Variants in TAOK3 observed in about 807,000 individuals in gnomAD.
The protein encoded by TAOK3 is TAO kinase 3.
Under a neutral mutation model 120.4 loss-of-function variants are expected in TAOK3, and 40 were observed. That is an observed-to-expected ratio of 0.33 (90% CI 0.26 to 0.43). The LOEUF (loss-of-function observed/expected upper bound fraction) is 0.43, where lower values mean the gene tolerates loss of function less well. TAOK3 is among the 20% of genes least tolerant of loss of function. TAOK3 has a pLI of 1.00. For missense variants in TAOK3, 821 were observed against 1,112.1 expected, an observed-to-expected ratio of 0.74 and a Z score of 3.72; for synonymous variants, 355 against 387.5, an observed-to-expected ratio of 0.92 and a Z score of 0.99.
At chr12:118,362,317 T>A (rs1470623860) in intron 1 of TAOK3, among the ~76,000 whole-genome samples, 50 of 105,498 alleles carry the variant, frequency 4.7e-4, no homozygotes, top group Non-Finnish European at 6.9e-4. Flanking sequence ...GCTGATGGGC[T>A]AAAAAAAAAA....
chr12:118,311,409 C>T (rs2043256542), intron 1 of TAOK3, among the ~76,000 whole-genome samples: 1 of 151,964 alleles, frequency 6.6e-6, no homozygotes, highest in African/African-American at 2.4e-5. Flanking sequence ...TGCAGTAAGC[C>T]AAGGTTGTGC....
intron 5 of TAOK3, among the ~76,000 whole-genome samples, chr12:118,242,710 A>G (rs1320790336): frequency 1.3e-5 from 2 of 152,066 alleles, no homozygotes; most frequent in Non-Finnish European, 2.9e-5. Context: ...AATACAAAAA[A>G]TTAGCTGGGT....
chr12:118,281,009 C>A (rs2042080676), intron 1 of TAOK3, among the ~76,000 whole-genome samples: 2 of 152,050 alleles, frequency 1.3e-5, no homozygotes. Context: ...GGACGCTCTT[C>A]ATATATAGGA....
chr12:118,253,212 G>A lies in TAOK3; in HGVS notation c.120+2236C>T, dbSNP rs1423924854. Reference sequence around the variant, plus strand: ...CTGAAGATTTGGCTAGAAGCAAAAGGACAAAGTAAAGATGCAATTCATAAA... The same window carrying A: ...CTGAAGATTTGGCTAGAAGCAAAAGAACAAAGTAAAGATGCAATTCATAAA... On this transcript the variant is annotated intron_variant, in intron 3 of 20. Transcript: ENST00000392533. 3.9e-5 allele frequency among the ~76,000 whole-genome samples: 6 copies of A among 152,164 alleles called. No homozygotes were observed. In the South Asian group the frequency reaches 1.2e-3, roughly 32 times the overall value.
rs552369257 is a variant in TAOK3, at chr12:118,160,651, T to C, written c.2140-293A>G. ...ACTCTAAGCAGATTGAGCGATACTATGAAGCTTAGCTTGTTGAAAGAGTGG... is the reference window on the plus strand; with the variant it reads ...ACTCTAAGCAGATTGAGCGATACTACGAAGCTTAGCTTGTTGAAAGAGTGG... On this transcript the variant is annotated intron_variant, in intron 18 of 20. Coordinates refer to ENST00000392533, the MANE Select transcript of TAOK3 (RefSeq NM_016281.4). The surrounding 1 kb of genome is among the most constrained non-coding windows in gnomAD (Gnocchi z 4.2). Among the ~76,000 whole-genome samples, 1 of 152,342 alleles carries C rather than the reference T, an allele frequency of 6.6e-6. No homozygotes were observed. The highest frequency in any genetic ancestry group is 2.1e-4 in the South Asian group (1 of 4,830).
At chr12:118,333,713 CAAT>C (rs1593585148) in intron 1 of TAOK3, among the ~76,000 whole-genome samples, 1 of 150,772 alleles carries the variant, frequency 6.6e-6, no homozygotes, top group Non-Finnish European at 1.5e-5. Context: ...AAAAAAAAAT[CAAT>C]AAAATTTGTA....
At chr12:118,307,206 C>T (rs968964536) in intron 1 of TAOK3, among the ~76,000 whole-genome samples, 1 of 151,856 alleles carries the variant, frequency 6.6e-6, no homozygotes, top group Non-Finnish European at 1.5e-5. Context: ...TATGAATCAA[C>T]CTTCCCGCCT....
At chr12:118,353,005 C>T (rs1170656156) in intron 1 of TAOK3, among the ~76,000 whole-genome samples, 1 of 152,082 alleles carries the variant, frequency 6.6e-6, no homozygotes, top group Non-Finnish European at 1.5e-5. Context: ...CCACTGTGCC[C>T]GGCCTGAGTT....
chr12:118,270,669 CTTTT>C (rs761296706), intron 1 of TAOK3, among the ~76,000 whole-genome samples: 9 of 125,976 alleles, frequency 7.1e-5, no homozygotes, highest in Non-Finnish European at 1.3e-4. Context: ...CTAAATGTCA[CTTTT>C]TTTTTTTTTT....
intron 9 of TAOK3, among the ~76,000 whole-genome samples, chr12:118,220,072 A>G (rs575695239): frequency 6.7e-6 from 1 of 148,472 alleles, no homozygotes; most frequent in Non-Finnish European, 1.5e-5. Flanking sequence ...TGCTTGGCTA[A>G]TTTTTTTAAG....
chr12:118,328,701 AG>A (rs1489856966), intron 1 of TAOK3, among the ~76,000 whole-genome samples: 1 of 152,216 alleles, frequency 6.6e-6, no homozygotes, highest in Non-Finnish European at 1.5e-5. Flanking sequence ...TTCAAGTGGA[AG>A]TGGGATCTCT....
At chr12:118,349,133 C>G (rs942360566) in intron 1 of TAOK3, among the ~76,000 whole-genome samples, 1 of 152,084 alleles carries the variant, frequency 6.6e-6, no homozygotes, top group African/African-American at 2.4e-5. Context: ...CTCAGGTGAC[C>G]GCCCACCTTG....
At chr12:118,370,629 T>C (rs975068322) in intron 1 of TAOK3, among the ~76,000 whole-genome samples, 4 of 152,230 alleles carry the variant, frequency 2.6e-5, no homozygotes, top group African/African-American at 4.8e-5. Context: ...GTTTTAAAAA[T>C]TCAAATACAA....
chr12:118,192,480 T>C (rs1018754590), intron 13 of TAOK3, among the ~76,000 whole-genome samples: 8 of 152,190 alleles, frequency 5.3e-5, no homozygotes, highest in Middle Eastern at 3.2e-3. Flanking sequence ...CTTCAAATAT[T>C]ATACAAGAGA....
At position 118,158,986 on chromosome 12, in the gene TAOK3, T is replaced by C. The variant is rs1353570338; in HGVS notation, c.2352+1160A>G. On this transcript the variant is annotated intron_variant, in intron 19 of 20. Coordinates refer to ENST00000392533, the MANE Select transcript of TAOK3 (RefSeq NM_016281.4). ...TCTTTTATGCCTATTTGGTAAACTA[T>C]TACTCTTTAAGACTCATCTCCTTGG... is the stretch of plus-strand genomic sequence containing the variant. 2.0e-5 allele frequency among the ~76,000 whole-genome samples: 3 copies of C among 152,198 alleles called. No homozygotes were observed. In the East Asian group the frequency reaches 5.8e-4, roughly 29 times the overall value.
intron 1 of TAOK3, among the ~76,000 whole-genome samples, chr12:118,295,986 T>A (rs2042666187): frequency 6.6e-6 from 1 of 152,118 alleles, no homozygotes. Flanking sequence ...TTGATTCAAA[T>A]CCCCTAGAAA....
chr12:118,213,621 T>TA (rs796249303), intron 10 of TAOK3, among the ~76,000 whole-genome samples: 16 of 148,032 alleles, frequency 1.1e-4, no homozygotes, highest in East Asian at 3.9e-4. Flanking sequence ...ACATATAGTT[T>TA]AAAAAAAAAA....
chr12:118,226,691 C>T (rs2039524409), intron 9 of TAOK3, among the ~76,000 whole-genome samples: 1 of 152,118 alleles, frequency 6.6e-6, no homozygotes. Flanking sequence ...AAATAGCTGT[C>T]ATAGAGGATT....
intron 11 of TAOK3, among the ~76,000 whole-genome samples, chr12:118,207,947 A>T (rs2038421646): frequency 6.6e-6 from 1 of 151,904 alleles, no homozygotes; most frequent in Non-Finnish European, 1.5e-5. Flanking sequence ...TCTTCACCAA[A>T]AGAGTTATCT....
Sources: allele counts gnomAD v4.1 joint callset (sites outside exome capture counted in the v4.1 genomes callset), GRCh38; gene constraint gnomAD v4.1.1; non-coding constraint Gnocchi (gnomAD v3.1); transcripts MANE v1.5; gene names NCBI Gene and HGNC (gene_info 2026-07-23, HGNC 2026-07-21).